CLUH: variants seen among roughly 807,000 people sequenced by gnomAD.
CLUH encodes the protein CLUH binding protein of NUMT mRNA.
CLUH carries 77 observed loss-of-function variants against 139.3 expected under a neutral mutation model. That is an observed-to-expected ratio of 0.55 (90% CI 0.46 to 0.67). The LOEUF (loss-of-function observed/expected upper bound fraction) is 0.67, where lower values mean the gene tolerates loss of function less well. Among genes scored for constraint, CLUH ranks in the 30% least tolerant of loss-of-function variants. CLUH has a pLI of 0.00. For synonymous variants in CLUH, 999 were observed against 801.6 expected, an observed-to-expected ratio of 1.25 and a Z score of -4.16; for missense variants, 1,876 against 1,875.8, an observed-to-expected ratio of 1.00 and a Z score of 0.00.
Position 2,704,609 on chromosome 17 carries a change from C to A in CLUH, c.101-45G>T. ...GTCAGAATCAGGCAGCCTCGCTGGT[C>A]GGCGGGGCTGTCCGCCTGACCCCAC... is the stretch of plus-strand genomic sequence containing the variant. On this transcript the variant is annotated intron_variant, in intron 1 of 25. Coordinates refer to ENST00000651024, the MANE Select transcript of CLUH (RefSeq NM_001366661.1). The surrounding 1 kb of genome is among the most constrained non-coding windows in gnomAD (Gnocchi z 5.7). 1 of 1,500,968 alleles carries A rather than the reference C, an allele frequency of 6.7e-7. No homozygotes were observed. The highest frequency in any genetic ancestry group is 1.2e-5 in the South Asian group (1 of 80,082). The allele number at this position is 1,500,968 out of a possible 1,614,324, so 93.0% of individuals were successfully genotyped here.
At position 2,700,706 on chromosome 17, in the gene CLUH, A is replaced by C; in HGVS notation, c.1145T>G (p.Leu382Arg). Residue 382 changes from leucine (L) to arginine (R), a missense_variant, in exon 8 of 26, where the codon CTG (leucine) becomes CGG (arginine). Physicochemically the swap from Leu to Arg is moderately radical, Grantham distance 102. This residue lies in a region of CLUH where 1,454 missense variants were observed against 1,384.4 expected (regional missense o/e 1.05). Transcript: ENST00000651024. ...VRAEDAYTSR[L>R]GYEEHIPGQT... is the part of the protein sequence containing the mutation. ...TCCAGGAATGTGCTCCTCATAGCCC[A>C]GCCTCGAGGTGTAGGCGTCCTCTGC... 6.5e-7 allele frequency: 1 copy of C among 1,531,558 alleles called. No homozygotes were observed. The highest frequency in any genetic ancestry group is 8.7e-7 in the Non-Finnish European group (1 of 1,143,652). 94.9% of individuals were successfully genotyped at this position (1,531,558 alleles called of 1,614,324 possible).
At position 2,698,455 on chromosome 17, in the gene CLUH, A is replaced by G. The variant is rs2151707768; in HGVS notation, c.1402T>C (p.Phe468Leu). The G allele has an allele frequency of 3.1e-6, 5 of 1,613,336 alleles. No homozygotes were observed. The highest frequency in any genetic ancestry group is 4.2e-6 in the Non-Finnish European group (5 of 1,179,836). ...IWNNIFFSLGFDVRDHYKDFG... is the reference protein window; with the variant it reads ...IWNNIFFSLGLDVRDHYKDFG... ...TCCTTGTAGTGGTCTCGGACGTCGAAGCCCAGGCTGAAGAAGATGTTGTTC... is the reference window on the plus strand; with the variant it reads ...TCCTTGTAGTGGTCTCGGACGTCGAGGCCCAGGCTGAAGAAGATGTTGTTC... Residue 468 changes from phenylalanine to leucine, a missense_variant, in exon 10 of 26, where the codon TTC becomes CTC. Physicochemically the swap from Phe to Leu is conservative, Grantham distance 22. Around this residue, in one of 3 missense-constraint regions of CLUH, gnomAD observed 1,454 missense variants for 1,384.4 expected, o/e 1.05. Transcript: ENST00000651024.
rs1403912978 is a variant in CLUH, at chr17:2,691,629, GC to G, written c.3842del (p.Gly1281AlafsTer15). The G allele has an allele frequency of 6.8e-6, 11 of 1,612,730 alleles. No homozygotes were observed. The highest frequency in any genetic ancestry group is 1.3e-5 in the African/African-American group (1 of 74,898). ...CTCACCTGAGAGGAATGAAGAGGAT[GC>G]CGTTAATGACGTTCAGCTGCTCCAA... is the stretch of plus-strand genomic sequence containing the variant. Reference protein sequence around the residue: ...SVLEQLNVINGILFIPLSQKD... With the variant: ...SVLEQLNVINXILFIPLSQKD... On this transcript the variant is annotated frameshift_variant, in exon 25 of 26. Transcript: ENST00000651024. LOFTEE classifies it high-confidence loss of function.
rs749243306 is a variant in CLUH, at chr17:2,694,982, A to T, written c.2727T>A (p.Asn909Lys). The T allele has an allele frequency of 1.9e-6, 3 of 1,613,364 alleles. No individual in the cohort carries two copies. Among genetic ancestry groups the T allele is most frequent in the Non-Finnish European group, 2.5e-6 (3 of 1,179,720 alleles). The change falls in exon 16 of 26, where the codon AAT becomes AAA. Residue 909 changes from asparagine to lysine, a missense_variant. Coordinates refer to ENST00000651024, the MANE Select transcript of CLUH (RefSeq NM_001366661.1). ...PADELVSKKR[N>K]KRRKNRPPGA... ...CCGGGGGCCGGTTTTTCCTCCTCTTATTCCGCTTCTTGGAGACCAGCTCGT... is the reference window on the plus strand; with the variant it reads ...CCGGGGGCCGGTTTTTCCTCCTCTTTTTCCGCTTCTTGGAGACCAGCTCGT...
chr17:2,692,937 A>G (rs1274866971), intron 19 of CLUH, 77 bp from the exon 20 acceptor site: 1 of 1,397,978 alleles, frequency 7.2e-7, no homozygotes, highest in Non-Finnish European at 9.5e-7. Context: ...CCGGCCCAGC[A>G]GCCCACGGTG....
chr17:2,690,843 G>T, intron 25 of CLUH, 66 bp from the exon 26 acceptor site: 1 of 1,291,738 alleles, frequency 7.7e-7, no homozygotes, highest in Non-Finnish European at 1.0e-6. Flanking sequence ...CCGCCTCCCG[G>T]CTTTCCTGTG....
rs778439361 is a variant in CLUH at position 2,698,377 on chromosome 17, C to T, written c.1480G>A (p.Val494Ile). Residue 494 changes from valine to isoleucine, a missense_variant, in exon 10 of 26, where the codon GTC becomes ATC. By Grantham distance (29) the Val-to-Ile change is conservative. Coordinates refer to ENST00000651024, the MANE Select transcript of CLUH (RefSeq NM_001366661.1). ...ACGTCCACCGCGTTGTACGTGCGGACGCCATTCAGGTCGTTGGTGGGCGCC... is the reference window on the plus strand; with the variant it reads ...ACGTCCACCGCGTTGTACGTGCGGATGCCATTCAGGTCGTTGGTGGGCGCC... The part of the protein sequence containing the change: ...YVAPTNDLNG[V>I]RTYNAVDVEG... The T allele has an allele frequency of 4.1e-5, 66 of 1,613,130 alleles. No homozygotes were observed. Among genetic ancestry groups the T allele is most frequent in the Middle Eastern group, 1.6e-4 (1 of 6,082 alleles).
intron 1 of CLUH, among the ~76,000 whole-genome samples, chr17:2,708,207 C>A (rs1004395225): frequency 2.0e-5 from 3 of 152,218 alleles, no homozygotes; most frequent in African/African-American, 7.2e-5. Flanking sequence ...ATCCCCTCCC[C>A]TCCAGGACCA....
chr17:2,690,669 C>A lies in CLUH; in HGVS notation c.3972G>T (p.Ala1324=). The A allele has an allele frequency of 6.4e-7, 1 of 1,552,020 alleles. No individual in the cohort carries two copies. The highest frequency in any genetic ancestry group is 8.7e-7 in the Non-Finnish European group (1 of 1,155,920). ...CCAGGTCTCCTGGGGCCCCCGCTGG[C>A]GCGGGCTCGGTAGCCATGGGCTCCT... ...RAEEPMATEP[A]PAGAPGDLGS... Residue 1324 remains alanine (A), a synonymous_variant, in exon 26 of 26, where the codon GCG becomes GCT. Coordinates refer to ENST00000651024, the MANE Select transcript of CLUH (RefSeq NM_001366661.1).
Position 2,693,896 on chromosome 17 carries a change from G to C in CLUH, c.3231+4C>G, listed in dbSNP as rs201494497. 1 of 1,608,420 alleles carries C rather than the reference G, an allele frequency of 6.2e-7. No homozygotes were observed. Among genetic ancestry groups the C allele is most frequent in the African/African-American group, 1.3e-5 (1 of 74,924 alleles). ...GGCCTTTGCTGCCACAGCCCAGAGGGTACCTCTGCGTAGTCGCCCATGATG... is the reference window on the plus strand; with the variant it reads ...GGCCTTTGCTGCCACAGCCCAGAGGCTACCTCTGCGTAGTCGCCCATGATG... On this transcript the variant is annotated splice_donor_region_variant and intron_variant, in intron 19 of 25. Coordinates refer to ENST00000651024, the MANE Select transcript of CLUH (RefSeq NM_001366661.1).
At chr17:2,695,648 C>A in intron 13 of CLUH, 122 bp from the exon 14 acceptor site, 11 of 1,290,100 alleles carry the variant, frequency 8.5e-6, no homozygotes, top group Non-Finnish European at 1.1e-5. Context: ...CTCCAGCTCC[C>A]AGTCAGGATG....
In CLUH at chr17:2,707,251, G is replaced by A. The variant is rs1597627734; in HGVS notation, c.101-2687C>T. On this transcript the variant is annotated intron_variant, in intron 1 of 25. Transcript: ENST00000651024. The surrounding 1 kb of genome is among the most constrained non-coding windows in gnomAD (Gnocchi z 7.4). Reference sequence around the variant, plus strand: ...TGGCAGCAAGGCAGCCAGCTCTCCAGCTCAGCCCCAGCATTGCCCGGGTTC... The same window carrying A: ...TGGCAGCAAGGCAGCCAGCTCTCCAACTCAGCCCCAGCATTGCCCGGGTTC... The A allele has an allele frequency of 1.0e-6, 1 of 985,444 alleles. No homozygotes were observed. The highest frequency in any genetic ancestry group is 1.2e-6 in the Non-Finnish European group (1 of 829,928). 61.0% of individuals were successfully genotyped at this position (985,444 alleles called of 1,614,324 possible).
intron 13 of CLUH, chr17:2,695,952 T>C: frequency 1.7e-6 from 1 of 596,332 alleles, no homozygotes. Flanking sequence ...GATTACCAGC[T>C]GCCAGCCCAC....
In CLUH at chr17:2,694,856, C is replaced by T; in HGVS notation, c.2852+1G>A. 1 of 1,510,160 alleles carries T rather than the reference C, an allele frequency of 6.6e-7. No individual in the cohort carries two copies. The highest frequency in any genetic ancestry group is 8.9e-7 in the Non-Finnish European group (1 of 1,125,934). 93.5% of individuals were successfully genotyped at this position (1,510,160 alleles called of 1,614,324 possible). ...CCCCACCGCCCCTGCCCCGCACGCACCACTCGAGGTCGAAGTCAAAGTAGT... is the reference window on the plus strand; with the variant it reads ...CCCCACCGCCCCTGCCCCGCACGCATCACTCGAGGTCGAAGTCAAAGTAGT... On this transcript the variant is annotated splice_donor_variant, in intron 16 of 25. Coordinates refer to ENST00000651024, the MANE Select transcript of CLUH (RefSeq NM_001366661.1). LOFTEE classifies it high-confidence loss of function.
At position 2,698,515 on chromosome 17, in the gene CLUH, G is replaced by T. The variant is rs764317372; in HGVS notation, c.1342C>A (p.Pro448Thr). Residue 448 changes from proline (P) to threonine (T), a missense_variant, in exon 10 of 26, where the codon CCC (proline) becomes ACC (threonine). Transcript: ENST00000651024. ...ATCTGCATCTTGGTCTCCTCGCTGGGGTTGATGGCCATCACGTTGCCGTCA... is the reference window on the plus strand; with the variant it reads ...ATCTGCATCTTGGTCTCCTCGCTGGTGTTGATGGCCATCACGTTGCCGTCA... ...VIDGNVMAIN[P>T]SEETKMQMFI... The T allele has an allele frequency of 6.2e-7, 1 of 1,612,898 alleles. No individual in the cohort carries two copies. The highest frequency in any genetic ancestry group is 8.5e-7 in the Non-Finnish European group (1 of 1,179,680).
At chr17:2,701,790 T>G in intron 4 of CLUH, 53 bp from the exon 5 acceptor site, 1 of 1,556,962 alleles carries the variant, frequency 6.4e-7, no homozygotes, top group Non-Finnish European at 8.7e-7. Context: ...GCCAGCTGTC[T>G]CCCTACCTCC....
At chr17:2,692,181 G>C in intron 22 of CLUH, 84 bp from the exon 23 acceptor site, 1 of 1,464,768 alleles carries the variant, frequency 6.8e-7, no homozygotes, top group East Asian at 2.5e-5. Flanking sequence ...GGGGTCTCCC[G>C]TAGATCCCTC....
At chr17:2,698,795 G>T (rs1047076340) in intron 9 of CLUH, among the ~76,000 whole-genome samples, 1 of 152,180 alleles carries the variant, frequency 6.6e-6, no homozygotes, top group Non-Finnish European at 1.5e-5. Flanking sequence ...TGTAATCCCA[G>T]CACTTTGAGG....
chr17:2,708,261 G>A (rs1301133067), intron 1 of CLUH, among the ~76,000 whole-genome samples: 2 of 152,192 alleles, frequency 1.3e-5, no homozygotes, highest in African/African-American at 4.8e-5. Context: ...CCCATGGAAG[G>A]TTCTGGGTCT....
Sources: gnomAD v4.1 joint callset for allele counts (sites outside exome capture counted in the v4.1 genomes callset) on GRCh38, gnomAD v4.1.1 for gene constraint, gnomAD v4.1.1 regional missense constraint, Gnocchi (gnomAD v3.1) non-coding constraint, MANE v1.5 for transcripts, NCBI Gene and HGNC (gene_info 2026-07-23, HGNC 2026-07-21) for gene names.